The following RAB10 variants were observed in gnomAD, a reference collection of about 807,000 sequenced individuals.
The protein encoded by RAB10 is ras-related protein Rab-10.
A neutral mutation model predicts 25.7 loss-of-function variants in RAB10; 5 were observed. The observed-to-expected ratio is 0.19, with a 90% CI of 0.10 to 0.41. The LOEUF is 0.41. Ranked by LOEUF, RAB10 falls within the 10% of genes least tolerant of loss-of-function variation. The probability of loss-of-function intolerance (pLI) is 1.00; values close to 1 mark genes in which losing one functional copy is unlikely to be tolerated. For synonymous variants in RAB10, 89 were observed against 86.4 expected (o/e 1.03, Z -0.16); for missense variants, 103 against 245.8 (o/e 0.42, Z 3.89).
At chr2:26,133,919 C>A (rs1488725157) in intron 5 of RAB10, among the ~76,000 whole-genome samples, 1 of 152,150 alleles carries the variant, frequency 6.6e-6, no homozygotes, top group Non-Finnish European at 1.5e-5. Flanking sequence ...GGTGATCCAC[C>A]CGCCTCGGCC....
chr2:26,136,688 G>A lies in RAB10; in HGVS notation c.*1667G>A, dbSNP rs1042775211. The A allele has an allele frequency of 4.6e-5, 7 of 152,732 alleles. No individual in the cohort carries two copies. Among genetic ancestry groups the A allele is most frequent in the Admixed American group, 3.3e-4 (5 of 15,304 alleles). The allele number at this position is 152,732 out of a possible 1,614,324, so 9.5% of individuals were successfully genotyped here. ...TTAGGACAGCAGCTTCCATTGAGAAGTCTTTCTGTGTCGTGAATAGCATTT... is the reference window on the plus strand; with the variant it reads ...TTAGGACAGCAGCTTCCATTGAGAAATCTTTCTGTGTCGTGAATAGCATTT... On this transcript the variant is annotated 3_prime_UTR_variant, in exon 6 of 6. Coordinates refer to ENST00000264710, the MANE Select transcript of RAB10 (RefSeq NM_016131.5).
intron 1 of RAB10, among the ~76,000 whole-genome samples, chr2:26,053,165 C>T (rs1666171513): frequency 6.6e-6 from 1 of 152,118 alleles, no homozygotes; most frequent in African/African-American, 2.4e-5. Flanking sequence ...TTTTTGACTC[C>T]ACTTTTTTAA....
At chr2:26,053,415 A>C (rs1320770399) in intron 1 of RAB10, among the ~76,000 whole-genome samples, 1 of 152,204 alleles carries the variant, frequency 6.6e-6, no homozygotes, top group East Asian at 1.9e-4. Flanking sequence ...TTTTTGAACA[A>C]AGTAGAACTG....
intron 1 of RAB10, among the ~76,000 whole-genome samples, chr2:26,040,445 C>G (rs2149260802): frequency 6.6e-6 from 1 of 152,262 alleles, no homozygotes; most frequent in Non-Finnish European, 1.5e-5. Context: ...GGGAAGTTCA[C>G]TTGAAGTCAG....
chr2:26,033,357 C>G (rs1177325126), upstream of RAB10, among the ~76,000 whole-genome samples: 1 of 152,222 alleles, frequency 6.6e-6, no homozygotes, highest in Non-Finnish European at 1.5e-5. Flanking sequence ...CAGGGAGGTT[C>G]TTCCTGCGCC....
intron 3 of RAB10, among the ~76,000 whole-genome samples, chr2:26,116,834 G>A (rs1285807770): frequency 6.6e-6 from 1 of 151,482 alleles, no homozygotes; most frequent in Non-Finnish European, 1.5e-5. Context: ...GGGATTACAG[G>A]CGTGAGCCAC....
chr2:26,095,590 G>T (rs1667195503), intron 1 of RAB10, among the ~76,000 whole-genome samples: 1 of 151,468 alleles, frequency 6.6e-6, no homozygotes, highest in African/African-American at 2.4e-5. Flanking sequence ...CTGGGCGACA[G>T]AGCGAGACTC....
chr2:26,052,157 TGTTTGAGCCCAGGA>T (rs1666152911), intron 1 of RAB10, among the ~76,000 whole-genome samples: 1 of 151,970 alleles, frequency 6.6e-6, no homozygotes. Context: ...ACAGGAGGAT[TGTTTGAGCCCAGGA>T]GTTTGAGATC....
intron 3 of RAB10, among the ~76,000 whole-genome samples, chr2:26,116,580 G>T (rs541810838): frequency 1.9e-5 from 2 of 102,782 alleles, no homozygotes; most frequent in African/African-American, 3.7e-5. Flanking sequence ...TTTTTGAGAC[G>T]CAGTCTTGCT....
chr2:26,056,061 A>C (rs1666258004), intron 1 of RAB10, among the ~76,000 whole-genome samples: 1 of 151,438 alleles, frequency 6.6e-6, no homozygotes, highest in Non-Finnish European at 1.5e-5. Context: ...CACCTGGATT[A>C]GTTTTTTTTA....
intron 1 of RAB10, among the ~76,000 whole-genome samples, chr2:26,071,183 ACTT>A (rs1666618758): frequency 6.6e-6 from 1 of 152,232 alleles, no homozygotes; most frequent in African/African-American, 2.4e-5. Flanking sequence ...AATATAAAGC[ACTT>A]CTGCCTCGTT....
intron 1 of RAB10, among the ~76,000 whole-genome samples, chr2:26,087,412 CTAT>C (rs1030077025): frequency 6.6e-6 from 1 of 152,072 alleles, no homozygotes; most frequent in South Asian, 2.1e-4. Flanking sequence ...GTTGGTGTTA[CTAT>C]TATTATGACG....
At chr2:26,037,379 C>T (rs981365266) in intron 1 of RAB10, among the ~76,000 whole-genome samples, 1 of 152,128 alleles carries the variant, frequency 6.6e-6, no homozygotes, top group African/African-American at 2.4e-5. Context: ...TGGCTCACTC[C>T]TGTAATCCCA....
At chr2:26,107,847 CA>C (rs796628445) in intron 2 of RAB10, among the ~76,000 whole-genome samples, 16 of 137,686 alleles carry the variant, frequency 1.2e-4, no homozygotes, top group African/African-American at 2.1e-4. Context: ...AGAAAATGGG[CA>C]AAAAAAAAAA....
chr2:26,094,515 G>A (rs1209587338), intron 1 of RAB10, among the ~76,000 whole-genome samples: 2 of 151,964 alleles, frequency 1.3e-5, no homozygotes, highest in Non-Finnish European at 2.9e-5. Context: ...GCCTCTGAAC[G>A]TGCTGGGATT....
At chr2:26,099,633 C>T (rs1667302226) in intron 2 of RAB10, among the ~76,000 whole-genome samples, 1 of 142,450 alleles carries the variant, frequency 7.0e-6, no homozygotes. Flanking sequence ...CTCTACCTCC[C>T]AGGTTCACGG....
At chr2:26,127,749 G>A in intron 4 of RAB10, 101 bp from the exon 5 acceptor site, 1 of 774,520 alleles carries the variant, frequency 1.3e-6, no homozygotes, top group Non-Finnish European at 2.2e-6. Context: ...TTCTAGTTGG[G>A]ACCACTGCCT....
At chr2:26,086,620 A>T (rs1574545249) in intron 1 of RAB10, among the ~76,000 whole-genome samples, 1 of 152,216 alleles carries the variant, frequency 6.6e-6, no homozygotes. Flanking sequence ...TTGAAAACAG[A>T]TACTCAAATA....
rs144651930 is a variant in RAB10 at position 26,127,001 on chromosome 2, T to G, written c.328-143T>G. Reference sequence around the variant, plus strand: ...TCTAAGAATTTGTGTAGGCTTTTAGTATGGAGTAGTTTTAGGGTGACTGCT... The same window carrying G: ...TCTAAGAATTTGTGTAGGCTTTTAGGATGGAGTAGTTTTAGGGTGACTGCT... On this transcript the variant is annotated intron_variant, in intron 3 of 5. Coordinates refer to ENST00000264710, the MANE Select transcript of RAB10 (RefSeq NM_016131.5). 116 of 563,080 alleles carry G rather than the reference T, an allele frequency of 2.1e-4. No homozygotes were observed. The African/African-American group carries it at 2.2e-3, about 11-fold the overall frequency. The allele number at this position is 563,080 out of a possible 1,614,324, so 34.9% of individuals were successfully genotyped here.
Sources: gnomAD v4.1 joint callset for allele counts (sites outside exome capture counted in the v4.1 genomes callset) on GRCh38, gnomAD v4.1.1 for gene constraint, MANE v1.5 for transcripts, NCBI Gene and HGNC (gene_info 2026-07-23, HGNC 2026-07-21) for gene names.